The following CRHR2 variants were observed in gnomAD, a reference collection of about 807,000 sequenced individuals.
CRHR2 encodes the protein corticotropin-releasing hormone receptor 2.
Under a neutral mutation model 57.9 loss-of-function variants are expected in CRHR2, and 53 were observed. The observed-to-expected ratio is 0.92, with a 90% CI of 0.73 to 1.15. The LOEUF (loss-of-function observed/expected upper bound fraction) is 1.15, where lower values mean the gene tolerates loss of function less well. CRHR2 is among the 50% of genes most tolerant of loss of function. The pLI is 0.00. For missense variants in CRHR2, 532 were observed against 542.6 expected, an observed-to-expected ratio of 0.98 and a Z score of 0.19; for synonymous variants, 213 against 220.9, an observed-to-expected ratio of 0.96 and a Z score of 0.32.
In CRHR2 at chr7:30,666,307, C is replaced by T. The variant is rs75607392; in HGVS notation, c.316-668G>A. The stretch of plus-strand genomic sequence containing the variant: ...GAGACCACACGAGGGGGTGCACTGT[C>T]TATAGAGAATTTAGAAATTCTATTC... On this transcript the variant is annotated intron_variant, in intron 3 of 11. Coordinates refer to ENST00000471646, the MANE Select transcript of CRHR2 (RefSeq NM_001883.5). Among the ~76,000 whole-genome samples the T allele has an allele frequency of 2.5e-3, 388 of 152,270 alleles. 3 individuals are homozygous for T. The highest frequency in any genetic ancestry group is 8.9e-3 in the African/African-American group (370 of 41,532).
chr7:30,674,269 A>G (rs940023829), intron 2 of CRHR2, among the ~76,000 whole-genome samples: 5 of 152,200 alleles, frequency 3.3e-5, no homozygotes, highest in African/African-American at 1.2e-4. Flanking sequence ...CCCTCCCCAG[A>G]GAGGGGCAGT....
Position 30,653,627 on chromosome 7 carries a change from G to A in CRHR2, c.1096-27C>T. On this transcript the variant is annotated intron_variant, in intron 11 of 11. Coordinates refer to ENST00000471646, the MANE Select transcript of CRHR2 (RefSeq NM_001883.5). The surrounding 1 kb of genome is among the most constrained non-coding windows in gnomAD (Gnocchi z 5.0). Reference sequence around the variant, plus strand: ...TGTGGGGAAGGCAGAGGCTCAGCTGGCTCCCAGGGACCAACCCTGGGCTTC... The same window carrying A: ...TGTGGGGAAGGCAGAGGCTCAGCTGACTCCCAGGGACCAACCCTGGGCTTC... 6.3e-7 allele frequency: 1 copy of A among 1,591,672 alleles called. No homozygotes were observed. The highest frequency in any genetic ancestry group is 2.2e-5 in the East Asian group (1 of 44,792).
intron 8 of CRHR2, 70 bp downstream of exon 8, chr7:30,660,503 C>T: frequency 3.4e-6 from 5 of 1,480,628 alleles, no homozygotes; most frequent in Non-Finnish European, 4.6e-6. Context: ...TTCCCAGCGT[C>T]TCTGCCTGGG....
rs905495521 is a variant in CRHR2, at chr7:30,656,284, C to G, written c.832-272G>C. Reference sequence around the variant, plus strand: ...CCTCTGTGGGTCGTGACCGAGAGCACGGGGCATGCCCTCTGAGGCTGAGAA... The same window carrying G: ...CCTCTGTGGGTCGTGACCGAGAGCAGGGGGCATGCCCTCTGAGGCTGAGAA... On this transcript the variant is annotated intron_variant, in intron 8 of 11. Transcript: ENST00000471646. The surrounding 1 kb of genome is among the most constrained non-coding windows in gnomAD (Gnocchi z 4.4). 2.6e-5 allele frequency among the ~76,000 whole-genome samples: 4 copies of G among 152,128 alleles called. No individual in the cohort carries two copies. Among genetic ancestry groups the G allele is most frequent in the Non-Finnish European group, 5.9e-5 (4 of 68,012 alleles).
At chr7:30,663,857 AG>A (rs1463605585) in intron 5 of CRHR2, among the ~76,000 whole-genome samples, 1 of 152,226 alleles carries the variant, frequency 6.6e-6, no homozygotes, top group Non-Finnish European at 1.5e-5. Flanking sequence ...GCTGTGCGTC[AG>A]GGGCTCTGCT....
Position 30,656,094 on chromosome 7 carries a change from G to A in CRHR2, c.832-82C>T, listed in dbSNP as rs749546294. Reference sequence around the variant, plus strand: ...GAGCCGAGAGGCAGCCCCCTTCCCCGCAGACCCCTGGAAACCGATGTCCCA... The same window carrying A: ...GAGCCGAGAGGCAGCCCCCTTCCCCACAGACCCCTGGAAACCGATGTCCCA... On this transcript the variant is annotated intron_variant, in intron 8 of 11. Transcript: ENST00000471646. The surrounding 1 kb of genome is among the most constrained non-coding windows in gnomAD (Gnocchi z 4.4). 3.5e-5 allele frequency: 47 copies of A among 1,326,142 alleles called. 1 individual carries two copies. Among genetic ancestry groups the A allele is most frequent in the South Asian group, 3.4e-4 (28 of 83,246 alleles). 82.1% of individuals were successfully genotyped at this position (1,326,142 alleles called of 1,614,324 possible). A position where few individuals can be genotyped will look rare whatever the true frequency, so the allele number is the denominator to read the frequency against.
chr7:30,686,334 C>T (rs1177986382), upstream of CRHR2: 2 of 1,467,070 alleles, frequency 1.4e-6, no homozygotes, highest in Non-Finnish European at 1.8e-6. Context: ...ATCCCCAGCA[C>T]CCATTGGAAT....
intron 2 of CRHR2, among the ~76,000 whole-genome samples, chr7:30,673,852 T>C (rs1193758773): frequency 6.6e-6 from 1 of 152,174 alleles, no homozygotes; most frequent in Non-Finnish European, 1.5e-5. Flanking sequence ...CAGCTGGTGA[T>C]GTTCACCCAA....
intron 2 of CRHR2, among the ~76,000 whole-genome samples, chr7:30,671,354 C>A (rs1291636600): frequency 6.6e-6 from 1 of 152,102 alleles, no homozygotes; most frequent in Non-Finnish European, 1.5e-5. Context: ...AGACATGGAC[C>A]ATAGGAGACA....
chr7:30,675,606 C>T (rs1013433216), intron 2 of CRHR2, among the ~76,000 whole-genome samples: 4 of 152,108 alleles, frequency 2.6e-5, no homozygotes, highest in Admixed American at 1.3e-4. Flanking sequence ...CTTCCACTTC[C>T]GCTCCCACCC....
Position 30,667,256 on chromosome 7 carries a change from G to C in CRHR2, c.287C>G (p.Ser96Ter). The change falls in exon 3 of 12, where the codon TCA (serine) becomes TGA (stop). Residue 96 changes from serine to a stop codon, truncating the protein, a stop_gained. Transcript: ENST00000471646. LOFTEE classifies it high-confidence loss of function. ...NGTWASKINY[S>*]QCEPILDDKQ... ...GTCATCCAAAATGGGCTCACACTGT[G>C]AGTAGTTGATCTTTGAGGCCCACGT... 1 of 1,614,192 alleles carries C rather than the reference G, an allele frequency of 6.2e-7. No homozygotes were observed. Among genetic ancestry groups the C allele is most frequent in the Non-Finnish European group, 8.5e-7 (1 of 1,180,038 alleles).
chr7:30,688,692 C>T, intron 2 of CRHR2: 1 of 413,906 alleles, frequency 2.4e-6, no homozygotes, highest in Non-Finnish European at 4.8e-6. Context: ...CTCTCTGGAA[C>T]CCAGCAGAAT....
At chr7:30,695,888 G>A (rs1785047082) in intron 1 of CRHR2, among the ~76,000 whole-genome samples, 3 of 152,206 alleles carry the variant, frequency 2.0e-5, no homozygotes, top group Non-Finnish European at 4.4e-5. Flanking sequence ...GCAAAATGGG[G>A]AGAGGATGGT....
At chr7:30,670,162 A>G (rs1484093096) in intron 2 of CRHR2, among the ~76,000 whole-genome samples, 1 of 152,142 alleles carries the variant, frequency 6.6e-6, no homozygotes, top group East Asian at 1.9e-4. Flanking sequence ...ATCCAGCTGT[A>G]CTATTTTCCT....
chr7:30,678,594 C>T (rs1236175982), intron 2 of CRHR2, among the ~76,000 whole-genome samples: 1 of 152,168 alleles, frequency 6.6e-6, no homozygotes, highest in Admixed American at 6.5e-5. Context: ...TAGCTATTTG[C>T]TAACCCCACA....
chr7:30,660,796 C>T lies in CRHR2; in HGVS notation c.759-151G>A, dbSNP rs76572200. ...GAAAGCCTTGGTGGAAATACCAGCT[C>T]CACTGACCACCCTTACCCACCAGGC... On this transcript the variant is annotated intron_variant, in intron 7 of 11. Transcript: ENST00000471646. 1,634 of 719,214 alleles carry T rather than the reference C, an allele frequency of 2.3e-3. 24 individuals carry two copies. In the African/African-American group the frequency reaches 0.026, roughly 11 times the overall value. 44.6% of individuals were successfully genotyped at this position (719,214 alleles called of 1,614,324 possible). A position where few individuals can be genotyped will look rare whatever the true frequency, so the allele number is the denominator to read the frequency against.
chr7:30,699,869 C>T (rs1015072663), intron 1 of CRHR2: 8 of 1,251,056 alleles, frequency 6.4e-6, no homozygotes, highest in Middle Eastern at 2.4e-4. Context: ...CTGAGACCCC[C>T]GCCCCTAGTC....
chr7:30,655,824 C>G, intron 9 of CRHR2, 103 bp downstream of exon 9: 1 of 1,593,490 alleles, frequency 6.3e-7, no homozygotes. Flanking sequence ...TGAGCGAGCT[C>G]CCTGGGTGAG....
At chr7:30,654,424 G>A (rs530461613) in intron 11 of CRHR2, among the ~76,000 whole-genome samples, 1 of 152,250 alleles carries the variant, frequency 6.6e-6, no homozygotes, top group East Asian at 1.9e-4. Context: ...GCAGAGACAG[G>A]CAAGTGTATT....
Sources: gnomAD v4.1 joint callset for allele counts (sites outside exome capture counted in the v4.1 genomes callset) on GRCh38, gnomAD v4.1.1 for gene constraint, Gnocchi (gnomAD v3.1) non-coding constraint, MANE v1.5 for transcripts, NCBI Gene and HGNC (gene_info 2026-07-23, HGNC 2026-07-21) for gene names.